YTHDC2: variants seen among roughly 807,000 people sequenced by gnomAD.
YTHDC2 encodes the protein YTH N6-methyladenosine RNA binding protein C2.
YTHDC2 carries 45 observed loss-of-function variants against 174.9 expected under a neutral mutation model. The observed-to-expected ratio is 0.26, with a 90% confidence interval of 0.20 to 0.33. YTHDC2 has a LOEUF of 0.33. Among genes scored for constraint, YTHDC2 ranks in the 10% least tolerant of loss-of-function variants. YTHDC2 has a pLI of 1.00. For synonymous variants in YTHDC2, 657 were observed against 574.5 expected, an observed-to-expected ratio of 1.14 and a Z score of -2.05; for missense variants, 1,650 against 1,723.7, an observed-to-expected ratio of 0.96 and a Z score of 0.76.
At chr5:113,587,409 T>G (rs1357722709) in intron 26 of YTHDC2, among the ~76,000 whole-genome samples, 1 of 53,614 alleles carries the variant, frequency 1.9e-5, no homozygotes, top group Non-Finnish European at 2.7e-5. Context: ...AATATATAAA[T>G]ATATATTATG....
intron 23 of YTHDC2, among the ~76,000 whole-genome samples, chr5:113,579,162 A>G (rs1294386245): frequency 4.0e-5 from 6 of 151,594 alleles, no homozygotes; most frequent in African/African-American, 1.5e-4. Flanking sequence ...GTTTTATGTT[A>G]TTTTTCTTAG....
At chr5:113,563,725 A>G (rs1777157708) in intron 19 of YTHDC2, 134 bp from the exon 20 acceptor site, 1 of 1,092,614 alleles carries the variant, frequency 9.2e-7, no homozygotes, top group Non-Finnish European at 1.3e-6. Flanking sequence ...TATAATAGAA[A>G]CGAAATATAT....
intron 24 of YTHDC2, 47 bp downstream of exon 24, chr5:113,579,742 T>A: frequency 6.6e-7 from 1 of 1,522,028 alleles, no homozygotes; most frequent in Middle Eastern, 1.8e-4. Context: ...ATTCAGTTAG[T>A]GTGAATTGAT....
In YTHDC2 at chr5:113,581,635, A is replaced by G. The variant is rs113925773; in HGVS notation, c.3573A>G (p.Ser1191=). The G allele has an allele frequency of 3.2e-5, 52 of 1,613,256 alleles. No individual in the cohort carries two copies. In the African/African-American group the frequency reaches 5.1e-4, roughly 16 times the overall value. The change falls in exon 25 of 30, where the codon TCA becomes TCG. Residue 1191 remains serine (S), a synonymous_variant. Transcript: ENST00000161863. ...CTTCAGAAGAGCTTCCTTTGGCCTC[A>G]TCTTGGAGGTCAAATAATAGTAGGA... ...PMSSEELPLA[S]SWRSNNSRKS... is the part of the protein sequence containing the mutation.
At chr5:113,529,428 G>C (rs1000651364) in intron 4 of YTHDC2, among the ~76,000 whole-genome samples, 3 of 152,254 alleles carry the variant, frequency 2.0e-5, no homozygotes, top group African/African-American at 7.2e-5. Flanking sequence ...GGATATGGCA[G>C]TTAAAAATTT....
chr5:113,591,985 T>A lies in YTHDC2; in HGVS notation c.4030-11T>A. On this transcript the variant is annotated splice_polypyrimidine_tract_variant and intron_variant, in intron 27 of 29. Transcript: ENST00000161863. ...CCTCACCTCTATTCCTTCCTCCCAT[T>A]TTACCTACAGGGATTTTCTAGGATG... is the stretch of plus-strand genomic sequence containing the variant. The A allele has an allele frequency of 6.3e-7, 1 of 1,592,614 alleles. No individual in the cohort carries two copies. Among genetic ancestry groups the A allele is most frequent in the Non-Finnish European group, 8.6e-7 (1 of 1,168,610 alleles).
intron 23 of YTHDC2, among the ~76,000 whole-genome samples, chr5:113,569,505 T>G (rs971560087): frequency 1.3e-5 from 2 of 152,210 alleles, no homozygotes; most frequent in Non-Finnish European, 2.9e-5. Context: ...TAATCCATCT[T>G]GAGTTAATTT....
At chr5:113,590,146 T>C (rs1030254349) in intron 26 of YTHDC2, among the ~76,000 whole-genome samples, 2 of 152,230 alleles carry the variant, frequency 1.3e-5, no homozygotes, top group Non-Finnish European at 2.9e-5. Context: ...TTGTATATTC[T>C]TTGTGTTTCT....
At position 113,592,061 on chromosome 5, in the gene YTHDC2, A is replaced by G; in HGVS notation, c.4095A>G (p.Leu1365=). ...EKSQDWGSAG[L]GGVFKVEWIR... The stretch of plus-strand genomic sequence containing the variant: ...GTCAGGACTGGGGCTCTGCTGGACT[A>G]GGAGGAGTATTTAAGGTGGAGTGGA... The change falls in exon 28 of 30, where the codon CTA becomes CTG. Residue 1365 remains leucine (L), a synonymous_variant. Coordinates refer to ENST00000161863, the MANE Select transcript of YTHDC2 (RefSeq NM_022828.5). The G allele has an allele frequency of 1.2e-6, 2 of 1,613,162 alleles. No homozygotes were observed. The highest frequency in any genetic ancestry group is 1.7e-6 in the Non-Finnish European group (2 of 1,179,516).
chr5:113,578,388 TTTTG>T (rs751859816), intron 23 of YTHDC2, among the ~76,000 whole-genome samples: 29 of 146,702 alleles, frequency 2.0e-4, no homozygotes, highest in African/African-American at 6.7e-4. Context: ...TTTTGTTTTG[TTTTG>T]TTTTTTTGTG....
chr5:113,535,915 A>C, intron 7 of YTHDC2, 117 bp downstream of exon 7: 2 of 790,344 alleles, frequency 2.5e-6, no homozygotes, highest in Non-Finnish European at 3.8e-6. Flanking sequence ...TTACCGTTCC[A>C]CCTGAGATAG....
chr5:113,525,645 A>AT (rs1341715195), intron 3 of YTHDC2, among the ~76,000 whole-genome samples: 1 of 152,116 alleles, frequency 6.6e-6, no homozygotes, highest in Non-Finnish European at 1.5e-5. Flanking sequence ...AATAAGTGAG[A>AT]TTTTGAACTG....
Position 113,567,801 on chromosome 5 carries a change from C to T in YTHDC2, c.3196C>T (p.Pro1066Ser), listed in dbSNP as rs755552975. 23 of 1,593,864 alleles carry T rather than the reference C, an allele frequency of 1.4e-5. 2 individuals are homozygous for T. The South Asian group carries it at 2.5e-4, about 18-fold the overall frequency. ...TPVTILVFCG[P>S]ARLASNALQE... ...TGTCACTATATTGGTATTCTGTGGA[C>T]CAGCTAGATTGGCAAGTAATGCTCT... Residue 1066 changes from proline to serine, a missense_variant, in exon 23 of 30, where the codon CCA (proline) becomes TCA (serine). By Grantham distance (74) the Pro-to-Ser change is moderately conservative. This residue lies in a region of YTHDC2 where 913 missense variants were observed against 940.4 expected (regional missense o/e 0.97). Coordinates refer to ENST00000161863, the MANE Select transcript of YTHDC2 (RefSeq NM_022828.5).
At chr5:113,563,785 TA>T (rs1777161700) in intron 19 of YTHDC2, 73 bp from the exon 20 acceptor site, 1 of 1,505,356 alleles carries the variant, frequency 6.6e-7, no homozygotes, top group Non-Finnish European at 9.1e-7. Context: ...ATTTCTCATT[TA>T]GGGGTTTTTA....
chr5:113,522,141 GTT>G (rs397883128), intron 2 of YTHDC2, among the ~76,000 whole-genome samples: 5 of 131,130 alleles, frequency 3.8e-5, no homozygotes, highest in Non-Finnish European at 3.2e-5. Flanking sequence ...TTTGTTTTTT[GTT>G]TTTTTTTTTT....
chr5:113,557,134 GAAT>G (rs1776661476), intron 17 of YTHDC2, among the ~76,000 whole-genome samples: 1 of 152,128 alleles, frequency 6.6e-6, no homozygotes, highest in African/African-American at 2.4e-5. Context: ...AAAAAACAAT[GAAT>G]GATTGTTAAC....
intron 23 of YTHDC2, among the ~76,000 whole-genome samples, chr5:113,571,541 C>G (rs1265019740): frequency 6.6e-6 from 1 of 152,126 alleles, no homozygotes; most frequent in Non-Finnish European, 1.5e-5. Context: ...GGAATAGTTT[C>G]AAAAGAAAGG....
rs58391392 is a variant in YTHDC2 at position 113,528,717 on chromosome 5, G to A, written c.675+1932G>A. 8.3e-3 allele frequency among the ~76,000 whole-genome samples: 1,267 copies of A among 151,988 alleles called. 8 individuals are homozygous for A. Among genetic ancestry groups the A allele is most frequent in the Non-Finnish European group, 0.014 (949 of 67,946 alleles). ...AGAGACGAGGTTTCAACATGTTGCC[G>A]AGGCTGGTCTTTGACTCCTGGGCTC... is the stretch of plus-strand genomic sequence containing the variant. On this transcript the variant is annotated intron_variant, in intron 4 of 29. Coordinates refer to ENST00000161863, the MANE Select transcript of YTHDC2 (RefSeq NM_022828.5).
chr5:113,516,669 T>C (rs1773445350), intron 2 of YTHDC2, among the ~76,000 whole-genome samples: 1 of 152,114 alleles, frequency 6.6e-6, no homozygotes, highest in African/African-American at 2.4e-5. Context: ...GCAAAATTGC[T>C]CAGGTTGAGA....
Sources: gnomAD v4.1 joint callset for allele counts (sites outside exome capture counted in the v4.1 genomes callset) on GRCh38, gnomAD v4.1.1 for gene constraint, gnomAD v4.1.1 regional missense constraint, MANE v1.5 for transcripts, NCBI Gene and HGNC (gene_info 2026-07-23, HGNC 2026-07-21) for gene names.